The following ATP2B3 variants were observed in gnomAD, a reference collection of about 807,000 sequenced individuals.
ATP2B3 encodes the protein ATPase plasma membrane Ca2+ transporting 3.
ATP2B3 carries 12 observed loss-of-function variants against 70.8 expected under a neutral mutation model. That is an observed-to-expected ratio of 0.17 (90% CI 0.11 to 0.27). The LOEUF (loss-of-function observed/expected upper bound fraction) is 0.27. Among genes scored for constraint, ATP2B3 ranks in the 10% least tolerant of loss-of-function variants. ATP2B3 has a pLI of 1.00. For synonymous variants in ATP2B3, 460 were observed against 497.8 expected (o/e 0.92, Z 1.01); for missense variants, 858 against 1,118.5 (o/e 0.77, Z 3.32).
Position 153,541,374 on chromosome X carries a change from C to T in ATP2B3, c.224C>T (p.Thr75Ile), listed in dbSNP as rs1390179489. 2 of 1,210,633 alleles carry T rather than the reference C, an allele frequency of 1.7e-6. No homozygotes were observed. The highest frequency in any genetic ancestry group is 1.1e-6 in the Non-Finnish European group (1 of 895,368). Residue 75 changes from threonine (T) to isoleucine (I), a missense_variant, in exon 4 of 22, where the codon ACC becomes ATC. By Grantham distance (89) the Thr-to-Ile change is moderately conservative (BLOSUM62 -1). Transcript: ENST00000263519. ...CACCATGCAGGCCTGGCGGACAACACCAATGACCTGGAGAAGCGCAGGCAG... is the reference window on the plus strand; with the variant it reads ...CACCATGCAGGCCTGGCGGACAACATCAATGACCTGGAGAAGCGCAGGCAG... ...TSPTEGLADNTNDLEKRRQIY... is the reference protein window; with the variant it reads ...TSPTEGLADNINDLEKRRQIY...
intron 18 of ATP2B3, 35 bp from the exon 19 acceptor site, chrX:153,560,641 A>T: frequency 8.3e-7 from 1 of 1,199,712 alleles, no homozygotes; most frequent in Non-Finnish European, 1.1e-6. Flanking sequence ...ATGCGCTGAG[A>T]TGACTGTGCC....
Position 153,556,887 on chromosome X carries a change from AGCCCTGCCCT to A in ATP2B3, c.2327-23_2327-14del, listed in dbSNP as rs1557013888. 1 of 1,160,108 alleles carries A rather than the reference AGCCCTGCCCT, an allele frequency of 8.6e-7. No individual in the cohort carries two copies. The highest frequency in any genetic ancestry group is 1.2e-6 in the Non-Finnish European group (1 of 864,914). ...CAGGGTTGTGGTGACAGATGGCCCC[AGCCCTGCCCT>A]GCCCTGATCTGTCTTCCAGGGATTA... On this transcript the variant is annotated intron_variant, in intron 15 of 21. Transcript: ENST00000263519.
intron 2 of ATP2B3, among the ~76,000 whole-genome samples, chrX:153,534,715 C>T (rs1163636712): frequency 2.7e-5 from 3 of 113,175 alleles, no homozygotes; most frequent in Admixed American, 9.3e-5. Flanking sequence ...ACATGGCCAT[C>T]ATTTTGTCCC....
At chrX:153,537,470 C>G (rs2090209388) in intron 3 of ATP2B3, among the ~76,000 whole-genome samples, 1 of 113,642 alleles carries the variant, frequency 8.8e-6, no homozygotes, top group African/African-American at 3.2e-5. Context: ...AGACTGTTCT[C>G]TTGTGGCTCC....
chrX:153,542,356 A>G lies in ATP2B3; in HGVS notation c.698A>G (p.Gln233Arg), dbSNP rs2090299404. ...DLLPADGVLI[Q>R]ANDLKIDESS... ...CTGCCAGCCGACGGCGTGCTCATCC[A>G]GGCCAATGACCTCAAGATCGACGAG... Residue 233 changes from glutamine to arginine, a missense_variant, in exon 6 of 22, where the codon CAG (glutamine) becomes CGG (arginine). Transcript: ENST00000263519. The G allele has an allele frequency of 4.1e-6, 5 of 1,211,568 alleles. No individual in the cohort carries two copies. The highest frequency in any genetic ancestry group is 5.6e-6 in the Non-Finnish European group (5 of 895,505).
At chrX:153,549,941 C>A in intron 11 of ATP2B3, 104 bp from the exon 12 acceptor site, 2 of 1,141,824 alleles carry the variant, frequency 1.8e-6, no homozygotes, top group Non-Finnish European at 2.3e-6. Context: ...GCCGCCCACA[C>A]CCTAACAATG....
intron 20 of ATP2B3, among the ~76,000 whole-genome samples, chrX:153,562,798 A>G (rs1297199314): frequency 8.9e-6 from 1 of 112,262 alleles, no homozygotes; most frequent in Non-Finnish European, 1.9e-5. Flanking sequence ...GCAAAATACC[A>G]TAGACTGGGA....
intron 12 of ATP2B3, among the ~76,000 whole-genome samples, chrX:153,551,312 T>C (rs1389222201): frequency 3.6e-5 from 4 of 112,517 alleles, no homozygotes; most frequent in African/African-American, 1.3e-4. Flanking sequence ...GTTTCCTTGA[T>C]GACTAACAAC....
intron 2 of ATP2B3, among the ~76,000 whole-genome samples, chrX:153,520,432 C>G (rs1182511158): frequency 8.9e-6 from 1 of 112,559 alleles, no homozygotes; most frequent in Non-Finnish European, 1.9e-5. Flanking sequence ...CATATGAACT[C>G]CCCTCTGATT....
chrX:153,525,325 C>A (rs73245894), intron 2 of ATP2B3, among the ~76,000 whole-genome samples: 4,429 of 112,162 alleles, frequency 0.039, 83 homozygotes, highest in Non-Finnish European at 0.048. Flanking sequence ...CCTACATTCC[C>A]ACAGATTGCG....
chrX:153,531,988 C>A (rs1455540458), intron 2 of ATP2B3, among the ~76,000 whole-genome samples: 2 of 111,917 alleles, frequency 1.8e-5, no homozygotes, highest in African/African-American at 6.5e-5. Context: ...GCTGGGGAGG[C>A]TTTCAGGGGT....
Position 153,543,036 on chromosome X carries a change from G to C in ATP2B3, c.791-7G>C. The C allele has an allele frequency of 8.3e-7, 1 of 1,210,052 alleles. No homozygotes were observed. The highest frequency in any genetic ancestry group is 1.1e-6 in the Non-Finnish European group (1 of 894,621). ...TTCCTGTCTCAGTCTCTGTGTTGCT[G>C]TTCCAGGCACTCATGTCATGGAAGG... On this transcript the variant is annotated splice_polypyrimidine_tract_variant and splice_region_variant and intron_variant, in intron 6 of 21. Transcript: ENST00000263519.
In ATP2B3 at chrX:153,529,761, C is replaced by T. The variant is rs782007472; in HGVS notation, c.-126-6361C>T. On this transcript the variant is annotated intron_variant, in intron 2 of 21. Transcript: ENST00000263519. ...GGCACCCACCCTTCCACTGTCCGTCCCCTCAGATTTCACAGCTCTCCTATG... is the reference window on the plus strand; with the variant it reads ...GGCACCCACCCTTCCACTGTCCGTCTCCTCAGATTTCACAGCTCTCCTATG... 3.9e-4 allele frequency among the ~76,000 whole-genome samples: 43 copies of T among 111,649 alleles called. No individual in the cohort carries two copies. In the East Asian group the frequency reaches 5.4e-3, roughly 14 times the overall value.
chrX:153,575,223 G>A (rs1284934906), intron 21 of ATP2B3, among the ~76,000 whole-genome samples: 2 of 112,909 alleles, frequency 1.8e-5, no homozygotes, highest in African/African-American at 6.4e-5. Flanking sequence ...GTGCAAAGCC[G>A]TGTGGGCCCC....
chrX:153,551,785 C>T (rs1181518112), intron 12 of ATP2B3, among the ~76,000 whole-genome samples: 2 of 112,385 alleles, frequency 1.8e-5, no homozygotes, highest in Non-Finnish European at 3.8e-5. Context: ...GGAGAGTGCA[C>T]AGCGTCACCT....
chrX:153,521,503 T>C (rs1569533047), intron 2 of ATP2B3, among the ~76,000 whole-genome samples: 1 of 112,568 alleles, frequency 8.9e-6, no homozygotes, highest in Non-Finnish European at 1.9e-5. Flanking sequence ...TTGGGGAATC[T>C]TGGGACTGGC....
At chrX:153,556,888 G>A in intron 15 of ATP2B3, 29 bp from the exon 16 acceptor site, 1 of 1,157,304 alleles carries the variant, frequency 8.6e-7, no homozygotes, top group Non-Finnish European at 1.2e-6. Flanking sequence ...GATGGCCCCA[G>A]CCCTGCCCTG....
At chrX:153,573,017 G>A (rs1557020354) in intron 21 of ATP2B3, among the ~76,000 whole-genome samples, 1 of 112,507 alleles carries the variant, frequency 8.9e-6, no homozygotes, top group Admixed American at 9.4e-5. Flanking sequence ...TATCCTTCCA[G>A]CAGCGCCACA....
Position 153,580,413 on chromosome X carries a change from A to T in ATP2B3, c.*115A>T. 1.3e-6 allele frequency: 1 copy of T among 794,071 alleles called. No individual in the cohort carries two copies. The highest frequency in any genetic ancestry group is 1.8e-6 in the Non-Finnish European group (1 of 567,029). 65.4% of individuals were successfully genotyped at this position (794,071 alleles called of 1,213,427 possible). A position where few individuals can be genotyped will look rare whatever the true frequency, so the allele number is the denominator to read the frequency against. Reference sequence around the variant, plus strand: ...CTGCACACCTGCAAAACGAGGGAACAACTAAGGTGGCTGAAGACCTTTCTG... The same window carrying T: ...CTGCACACCTGCAAAACGAGGGAACTACTAAGGTGGCTGAAGACCTTTCTG... On this transcript the variant is annotated 3_prime_UTR_variant, in exon 22 of 22. Transcript: ENST00000263519.
Sources: gnomAD v4.1 joint callset for allele counts (sites outside exome capture counted in the v4.1 genomes callset) on GRCh38, gnomAD v4.1.1 for gene constraint, MANE v1.5 for transcripts, NCBI Gene and HGNC (gene_info 2026-07-23, HGNC 2026-07-21) for gene names.